The following C20orf96 variants were observed in gnomAD, a reference collection of about 807,000 sequenced individuals.
C20orf96 encodes the protein uncharacterized protein C20orf96.
A neutral mutation model predicts 52.6 loss-of-function variants in C20orf96; 57 were observed. The observed-to-expected ratio is 1.08, with a 90% CI of 0.88 to 1.35. C20orf96 has a LOEUF of 1.35. Among genes scored for constraint, C20orf96 ranks in the 40% most tolerant of loss-of-function variants. The probability of loss-of-function intolerance (pLI) is 0.00; values close to 1 mark genes in which losing one functional copy is unlikely to be tolerated. For missense variants in C20orf96, 478 were observed against 443.6 expected (o/e 1.08, Z -0.70); for synonymous variants, 168 against 157.2 (o/e 1.07, Z -0.51).
rs1466823098 is a variant in C20orf96, at chr20:271,375, G to A, written c.1032-108C>T. The A allele has an allele frequency of 4.8e-6, 4 of 827,976 alleles. No individual in the cohort carries two copies. In the Admixed American group the frequency reaches 8.9e-5, roughly 18 times the overall value. 51.3% of individuals were successfully genotyped at this position (827,976 alleles called of 1,614,324 possible). A position where few individuals can be genotyped will look rare whatever the true frequency, so the allele number is the denominator to read the frequency against. On this transcript the variant is annotated intron_variant, in intron 10 of 10. Coordinates refer to ENST00000360321, the MANE Select transcript of C20orf96 (RefSeq NM_153269.3). ...GAACTCTGGTACGTACTTGGGTTGGGGGGCAATCCCAAAATACAATCTGTG... is the reference window on the plus strand; with the variant it reads ...GAACTCTGGTACGTACTTGGGTTGGAGGGCAATCCCAAAATACAATCTGTG...
intron 9 of C20orf96, 172 bp downstream of exon 9, chr20:276,621 C>A: frequency 1.4e-6 from 2 of 1,447,662 alleles, no homozygotes. Context: ...CAATCGCCTT[C>A]CCAGATGAAA....
chr20:271,921 C>A (rs943238498), intron 10 of C20orf96, among the ~76,000 whole-genome samples: 4 of 152,124 alleles, frequency 2.6e-5, no homozygotes, highest in African/African-American at 4.8e-5. Flanking sequence ...TTGCAGGGAC[C>A]AGCACAAATA....
intron 4 of C20orf96, among the ~76,000 whole-genome samples, chr20:283,523 C>T (rs1412400667): frequency 1.3e-5 from 2 of 152,084 alleles, no homozygotes; most frequent in East Asian, 1.9e-4. Flanking sequence ...AGGCTGGTCT[C>T]GAACTCCTGA....
At chr20:286,254 C>T (rs963545336) in intron 3 of C20orf96, among the ~76,000 whole-genome samples, 4 of 152,140 alleles carry the variant, frequency 2.6e-5, no homozygotes, top group East Asian at 3.9e-4. Flanking sequence ...TGGTGGCTCA[C>T]GCCTGTAATC....
At chr20:282,349 C>A (rs1016282881) in intron 4 of C20orf96, among the ~76,000 whole-genome samples, 3 of 152,176 alleles carry the variant, frequency 2.0e-5, no homozygotes, top group Non-Finnish European at 4.4e-5. Context: ...GAATGGAAGT[C>A]CCCTAAGATC....
intron 9 of C20orf96, chr20:276,518 T>C: frequency 1.0e-6 from 1 of 985,330 alleles, no homozygotes; most frequent in Non-Finnish European, 1.2e-6. Flanking sequence ...AGATGCACGG[T>C]GGTTAATGGC....
intron 4 of C20orf96, among the ~76,000 whole-genome samples, chr20:279,804 CACTA>C (rs1454050556): frequency 6.6e-6 from 1 of 151,958 alleles, no homozygotes; most frequent in Non-Finnish European, 1.5e-5. Flanking sequence ...ACCCCGTCTC[CACTA>C]AAAATACAAA....
intron 10 of C20orf96, among the ~76,000 whole-genome samples, chr20:273,588 G>A (rs2011908308): frequency 6.6e-6 from 1 of 152,058 alleles, no homozygotes; most frequent in South Asian, 2.1e-4. Flanking sequence ...TAGAAATGCA[G>A]AATCAGGCTG....
chr20:279,275 A>T lies in C20orf96; in HGVS notation c.362T>A (p.Phe121Tyr), dbSNP rs753479250. Residue 121 changes from phenylalanine (F) to tyrosine (Y), a missense_variant, in exon 5 of 11, where the codon TTC (phenylalanine) becomes TAC (tyrosine). Coordinates refer to ENST00000360321, the MANE Select transcript of C20orf96 (RefSeq NM_153269.3). ...ALRELRSREN[F>Y]LSKLNRELIE... ...CAGCTCCCGGTTGAGCTTGCTGAGGAAGTTCTCACGGCTTCGGAGCTCTCG... is the reference window on the plus strand; with the variant it reads ...CAGCTCCCGGTTGAGCTTGCTGAGGTAGTTCTCACGGCTTCGGAGCTCTCG... 1.2e-6 allele frequency: 2 copies of T among 1,610,428 alleles called. No individual in the cohort carries two copies. Among genetic ancestry groups the T allele is most frequent in the Admixed American group, 3.3e-5 (2 of 59,918 alleles).
Position 290,260 on chromosome 20 carries a change from G to A in C20orf96, c.68C>T (p.Pro23Leu), listed in dbSNP as rs1415201130. The change falls in exon 2 of 11, where the codon CCG becomes CTG. Residue 23 changes from proline to leucine, a missense_variant and splice_region_variant. Transcript: ENST00000360321. Reference sequence around the variant, plus strand: ...CAGCCCTAGTCCCCCAAGACTCACCGGAACCTGGAACTCCTGGACTATGGA... The same window carrying A: ...CAGCCCTAGTCCCCCAAGACTCACCAGAACCTGGAACTCCTGGACTATGGA... Reference protein sequence around the residue: ...THSIVQEFQVPDYVPWQQSKQ... With the variant: ...THSIVQEFQVLDYVPWQQSKQ... 1 of 1,611,742 alleles carries A rather than the reference G, an allele frequency of 6.2e-7. No homozygotes were observed.
chr20:281,049 A>G (rs1216129186), intron 4 of C20orf96, among the ~76,000 whole-genome samples: 4 of 152,062 alleles, frequency 2.6e-5, no homozygotes, highest in African/African-American at 7.2e-5. Context: ...CTAGCTACTC[A>G]GGAGTCTGAG....
intron 10 of C20orf96, among the ~76,000 whole-genome samples, 168 bp from the exon 11 acceptor site, chr20:271,435 CACAAGCAT>C (rs1298413802): frequency 6.9e-6 from 1 of 145,184 alleles, no homozygotes; most frequent in African/African-American, 2.8e-5. Context: ...ACTGTGCATA[CACAAGCAT>C]ACACACACAC....
At chr20:279,134 C>CGGAGGGACGGAGGGAG (rs1555770669) in intron 5 of C20orf96, 38 bp downstream of exon 5, 3 of 1,013,894 alleles carry the variant, frequency 3.0e-6, no homozygotes, top group Middle Eastern at 3.1e-4. Context: ...GAGGTTGGGA[C>CGGAGGGACGGAGGGAG]GGAGGGACGG....
At chr20:289,128 G>A (rs536684377) in intron 3 of C20orf96, among the ~76,000 whole-genome samples, 1 of 152,252 alleles carries the variant, frequency 6.6e-6, no homozygotes, top group South Asian at 2.1e-4. Flanking sequence ...GTGGTTAGCA[G>A]AGGTCATGTG....
At chr20:288,425 G>A (rs1316406646) in intron 3 of C20orf96, among the ~76,000 whole-genome samples, 3 of 151,956 alleles carry the variant, frequency 2.0e-5, no homozygotes, top group Non-Finnish European at 2.9e-5. Flanking sequence ...TGAGTGGGGA[G>A]GTCATCTTCT....
At chr20:276,666 G>A in intron 9 of C20orf96, 127 bp downstream of exon 9, 2 of 1,493,276 alleles carry the variant, frequency 1.3e-6, no homozygotes, top group East Asian at 2.5e-5. Context: ...CAAGGAGGGA[G>A]GCCAACACCA....
At position 276,037 on chromosome 20, in the gene C20orf96, T is replaced by C; in HGVS notation, c.962A>G (p.Glu321Gly). 2 of 1,614,202 alleles carry C rather than the reference T, an allele frequency of 1.2e-6. No individual in the cohort carries two copies. Among genetic ancestry groups the C allele is most frequent in the South Asian group, 1.1e-5 (1 of 91,084 alleles). Residue 321 changes from glutamate (E) to glycine (G), a missense_variant, in exon 10 of 11, where the codon GAA (glutamate) becomes GGA (glycine). Transcript: ENST00000360321. ...ENMPVLRAEV[E>G]ELQAQTREPR... Reference sequence around the variant, plus strand: ...TTCCCGGGTCTGGGCTTGGAGCTCTTCCACCTCGGCCCTTAATACAGGCAT... The same window carrying C: ...TTCCCGGGTCTGGGCTTGGAGCTCTCCCACCTCGGCCCTTAATACAGGCAT...
At chr20:272,348 G>A (rs79789294) in intron 10 of C20orf96, among the ~76,000 whole-genome samples, 6,618 of 151,932 alleles carry the variant, frequency 0.044, 190 homozygotes, top group South Asian at 0.073. Flanking sequence ...TACTGTCCAA[G>A]TCAACTGTAT....
At chr20:281,166 T>C (rs942541906) in intron 4 of C20orf96, among the ~76,000 whole-genome samples, 3 of 149,516 alleles carry the variant, frequency 2.0e-5, no homozygotes, top group East Asian at 1.9e-4. Context: ...TAAAAGTAAA[T>C]AAATAAATAA....
Sources: allele counts gnomAD v4.1 joint callset (sites outside exome capture counted in the v4.1 genomes callset), GRCh38; gene constraint gnomAD v4.1.1; transcripts MANE v1.5; gene names NCBI Gene and HGNC (gene_info 2026-07-23, HGNC 2026-07-21).